Variants in CLIC5 observed in about 807,000 individuals in gnomAD.
The protein encoded by CLIC5 is CLIC family member 5, also known as chloride intracellular channel protein 5.
Under a neutral mutation model 24.7 loss-of-function variants are expected in CLIC5, and 20 were observed. The observed-to-expected ratio is 0.81, with a 90% CI of 0.57 to 1.18. CLIC5 has a LOEUF of 1.18. CLIC5 is among the 50% of genes most tolerant of loss of function. The pLI is 0.00. For synonymous variants in CLIC5, 159 were observed against 135.6 expected, an observed-to-expected ratio of 1.17 and a Z score of -1.20; for missense variants, 341 against 326.1, an observed-to-expected ratio of 1.05 and a Z score of -0.35.
At chr6:46,071,566 TA>T (rs1390589965) in intron 1 of CLIC5, among the ~76,000 whole-genome samples, 1 of 152,132 alleles carries the variant, frequency 6.6e-6, no homozygotes, top group African/African-American at 2.4e-5. Context: ...TGGCTATTAT[TA>T]AAAAGTCAAA....
At chr6:45,888,036 C>G (rs1346144951) in intron 6 of CLIC5, among the ~76,000 whole-genome samples, 1 of 152,104 alleles carries the variant, frequency 6.6e-6, no homozygotes, top group Non-Finnish European at 1.5e-5. Flanking sequence ...TAGTGTATGA[C>G]CCTAAAATTT....
chr6:45,910,218 T>C (rs974597401), intron 5 of CLIC5, among the ~76,000 whole-genome samples: 4 of 152,186 alleles, frequency 2.6e-5, no homozygotes, highest in African/African-American at 7.2e-5. Flanking sequence ...TCAATAATGA[T>C]GTTGATCAGA....
the CLIC5 span, among the ~76,000 whole-genome samples, chr6:46,121,739 T>G: frequency 6.6e-6 from 1 of 152,082 alleles, no homozygotes; most frequent in Non-Finnish European, 1.5e-5. Flanking sequence ...GAGGAAGATC[T>G]ACCAAGCAAA....
At chr6:45,958,423 TA>T (rs1197098727) in intron 1 of CLIC5, among the ~76,000 whole-genome samples, 332 of 4,472 alleles carry the variant, frequency 0.074, 73 homozygotes, top group South Asian at 0.53. Flanking sequence ...AAAAGACAAT[TA>T]TATATATATA....
intron 4 of CLIC5, among the ~76,000 whole-genome samples, chr6:45,922,106 G>A (rs1364248629): frequency 6.6e-6 from 1 of 152,256 alleles, no homozygotes; most frequent in Non-Finnish European, 1.5e-5. Flanking sequence ...CTGGGCTACA[G>A]AGAGTGTGCA....
At chr6:45,965,514 T>C (rs1303019756) in intron 1 of CLIC5, among the ~76,000 whole-genome samples, 1 of 152,212 alleles carries the variant, frequency 6.6e-6, no homozygotes, top group Non-Finnish European at 1.5e-5. Flanking sequence ...TTTAAGGTAC[T>C]GTCATCCTAT....
At chr6:45,984,416 C>T (rs771702754) in intron 1 of CLIC5, among the ~76,000 whole-genome samples, 6 of 152,184 alleles carry the variant, frequency 3.9e-5, no homozygotes, top group Non-Finnish European at 8.8e-5. Context: ...TTGACATTGA[C>T]TTCTACCCGG....
At chr6:46,024,617 A>C (rs1157471597) in intron 1 of CLIC5, among the ~76,000 whole-genome samples, 1 of 152,212 alleles carries the variant, frequency 6.6e-6, no homozygotes, top group Non-Finnish European at 1.5e-5. Context: ...TGATACCACT[A>C]GATTTTCCTG....
chr6:46,061,485 C>T (rs182182367), intron 1 of CLIC5, among the ~76,000 whole-genome samples: 135 of 152,316 alleles, frequency 8.9e-4, no homozygotes, highest in Admixed American at 1.5e-3. Context: ...GCCACCACGC[C>T]CAGCCAACAA....
At chr6:46,060,918 G>A (rs1433391427) in intron 1 of CLIC5, among the ~76,000 whole-genome samples, 3 of 152,112 alleles carry the variant, frequency 2.0e-5, no homozygotes, top group Non-Finnish European at 4.4e-5. Flanking sequence ...GAACCAACTG[G>A]TCACAGCCCC....
chr6:45,922,823 A>AAGAGAGAAAGAGAGAGAGAG (rs1763319116), intron 4 of CLIC5, among the ~76,000 whole-genome samples: 3 of 140,614 alleles, frequency 2.1e-5, no homozygotes, highest in Admixed American at 2.1e-4. Context: ...GAGAGAGAGA[A>AAGAGAGAAAGAGAGAGAGAG]AGAGAGAGAG....
At chr6:46,028,992 C>G (rs1400856313) in intron 1 of CLIC5, among the ~76,000 whole-genome samples, 2 of 152,192 alleles carry the variant, frequency 1.3e-5, no homozygotes, top group African/African-American at 4.8e-5. Context: ...CCCACTAACC[C>G]CTGGAAACCA....
intron 2 of CLIC5, 78 bp downstream of exon 2, chr6:45,955,057 A>G: frequency 9.9e-7 from 1 of 1,009,766 alleles, no homozygotes; most frequent in South Asian, 1.4e-5. Context: ...GGAGCCACGG[A>G]AGGCTTTTGC....
chr6:46,049,687 G>C (rs1417814835), intron 1 of CLIC5, among the ~76,000 whole-genome samples: 1 of 152,116 alleles, frequency 6.6e-6, no homozygotes, highest in African/African-American at 2.4e-5. Context: ...CATTGGGTTG[G>C]GTAAATTAAC....
the CLIC5 span, chr6:46,102,456 GAAA>G: frequency 3.9e-5 from 6 of 152,190 alleles, no homozygotes; most frequent in Non-Finnish European, 7.3e-5. Context: ...CTTTTATACA[GAAA>G]GGCAAAGGGA....
intron 5 of CLIC5, among the ~76,000 whole-genome samples, chr6:45,904,028 A>T (rs1321227926): frequency 6.6e-6 from 1 of 152,074 alleles, no homozygotes; most frequent in Non-Finnish European, 1.5e-5. Context: ...TGGACTGGAG[A>T]GTTCTGGAGA....
upstream of CLIC5, among the ~76,000 whole-genome samples, chr6:46,082,043 T>A (rs1453078864): frequency 1.3e-5 from 2 of 152,192 alleles, no homozygotes; most frequent in African/African-American, 4.8e-5. Context: ...TTTTTTTTCT[T>A]TTTGCTTCCC....
intron 2 of CLIC5, among the ~76,000 whole-genome samples, chr6:45,952,931 G>A (rs925519442): frequency 3.9e-5 from 6 of 152,174 alleles, no homozygotes; most frequent in African/African-American, 1.2e-4. Flanking sequence ...CATAGTGGAT[G>A]CAAGTTCATT....
At chr6:46,118,372 A>AC in the CLIC5 span, among the ~76,000 whole-genome samples, 1 of 152,212 alleles carries the variant, frequency 6.6e-6, no homozygotes, top group Admixed American at 6.5e-5. Flanking sequence ...TGATGATGCC[A>AC]TTTAGGTAGG....
Sources: allele counts gnomAD v4.1 joint callset (sites outside exome capture counted in the v4.1 genomes callset), GRCh38; gene constraint gnomAD v4.1.1; transcripts MANE v1.5; gene names NCBI Gene and HGNC (gene_info 2026-07-23, HGNC 2026-07-21).